SETBP1: variants seen among roughly 807,000 people sequenced by gnomAD.
SETBP1 encodes SET-binding protein.
SETBP1 carries 9 observed loss-of-function variants against 101.0 expected under a neutral mutation model. The ratio of observed to expected loss-of-function variants is 0.09; its 90% confidence interval spans 0.05 to 0.16. The LOEUF (loss-of-function observed/expected upper bound fraction) is 0.16, where lower values mean the gene tolerates loss of function less well. Among genes scored for constraint, SETBP1 ranks in the 10% least tolerant of loss-of-function variants. The probability of loss-of-function intolerance (pLI) is 1.00; values close to 1 mark genes in which losing one functional copy is unlikely to be tolerated. For missense variants in SETBP1, 1,858 were observed against 2,033.8 expected (o/e 0.91, Z 1.66); for synonymous variants, 818 against 788.5 (o/e 1.04, Z -0.63).
At chr18:44,899,766 G>A (rs2069997422) in intron 3 of SETBP1, among the ~76,000 whole-genome samples, 1 of 152,040 alleles carries the variant, frequency 6.6e-6, no homozygotes, top group Admixed American at 6.6e-5. Flanking sequence ...TCCCTCTAAG[G>A]TAGAAGAGAC....
At position 44,950,768 on chromosome 18, in the gene SETBP1, C is replaced by T. The variant is rs761007347; in HGVS notation, c.1428C>T (p.Pro476=). ...GTAAAATGATAGAGAATGAGTCCCC[C>T]TCAGTTGGCCTTGAAACTGGTGGAA... is the stretch of plus-strand genomic sequence containing the variant. ...KLSKMIENES[P]SVGLETGGNA... Residue 476 remains proline, a synonymous_variant, in exon 4 of 6, where the codon CCC becomes CCT. Coordinates refer to ENST00000649279, the MANE Select transcript of SETBP1 (RefSeq NM_015559.3). 2 of 1,614,000 alleles carry T rather than the reference C, an allele frequency of 1.2e-6. No individual in the cohort carries two copies. The highest frequency in any genetic ancestry group is 1.7e-6 in the Non-Finnish European group (2 of 1,180,028).
At chr18:44,779,665 C>A (rs1000792010) in intron 2 of SETBP1, among the ~76,000 whole-genome samples, 28 of 152,148 alleles carry the variant, frequency 1.8e-4, no homozygotes, top group African/African-American at 6.7e-4. Context: ...GGCTAACTGT[C>A]GAAGACTTTG....
At chr18:45,060,700 A>T (rs1475368712) in intron 5 of SETBP1, among the ~76,000 whole-genome samples, 1 of 152,180 alleles carries the variant, frequency 6.6e-6, no homozygotes, top group African/African-American at 2.4e-5. Flanking sequence ...ATTATTCAGC[A>T]CATGTTTTTG....
intron 3 of SETBP1, among the ~76,000 whole-genome samples, chr18:44,922,260 C>A (rs2070599177): frequency 1.3e-5 from 2 of 152,194 alleles, no homozygotes; most frequent in Non-Finnish European, 2.9e-5. Flanking sequence ...TTCTCATGCT[C>A]ATTTTATATA....
intron 4 of SETBP1, among the ~76,000 whole-genome samples, chr18:44,976,472 C>T (rs1180308519): frequency 6.6e-6 from 1 of 152,210 alleles, no homozygotes; most frequent in Non-Finnish European, 1.5e-5. Flanking sequence ...GGGAAGTAAA[C>T]TGGCCCTCAT....
At chr18:44,979,712 C>G (rs931298536) in intron 4 of SETBP1, among the ~76,000 whole-genome samples, 4 of 152,176 alleles carry the variant, frequency 2.6e-5, no homozygotes, top group Admixed American at 6.5e-5. Context: ...ACAAATAACT[C>G]TTACATATGG....
At chr18:44,881,638 T>A (rs1384602393) in intron 3 of SETBP1, among the ~76,000 whole-genome samples, 2 of 152,216 alleles carry the variant, frequency 1.3e-5, no homozygotes, top group African/African-American at 4.8e-5. Context: ...TTGTTTACCC[T>A]GAATGTACAT....
intron 2 of SETBP1, among the ~76,000 whole-genome samples, chr18:44,783,199 A>C (rs1025281951): frequency 6.6e-6 from 1 of 152,180 alleles, no homozygotes; most frequent in Non-Finnish European, 1.5e-5. Context: ...CATTTATGAG[A>C]TATTTTGCAT....
intron 3 of SETBP1, among the ~76,000 whole-genome samples, chr18:44,932,228 A>G (rs917540464): frequency 5.3e-5 from 8 of 152,146 alleles, no homozygotes; most frequent in Non-Finnish European, 1.0e-4. Context: ...GAAATTCTGG[A>G]TTGAAAATTC....
chr18:44,850,289 G>A (rs1437957751), intron 2 of SETBP1, among the ~76,000 whole-genome samples: 3 of 152,186 alleles, frequency 2.0e-5, no homozygotes, highest in Admixed American at 6.5e-5. Context: ...CAAGGGGGTC[G>A]TCAGTCCCAC....
intron 3 of SETBP1, among the ~76,000 whole-genome samples, chr18:44,918,394 C>T (rs1015109798): frequency 2.0e-5 from 3 of 152,176 alleles, no homozygotes; most frequent in East Asian, 1.9e-4. Context: ...AAGGCTTCCT[C>T]GGCAGCGGCC....
chr18:44,713,717 C>G (rs1262791172), intron 2 of SETBP1, among the ~76,000 whole-genome samples: 1 of 152,346 alleles, frequency 6.6e-6, no homozygotes, highest in South Asian at 2.1e-4. Flanking sequence ...GTCAAGGAAA[C>G]CTGCCAAACT....
At chr18:44,853,475 G>A (rs1041421050) in intron 2 of SETBP1, among the ~76,000 whole-genome samples, 6 of 152,096 alleles carry the variant, frequency 3.9e-5, no homozygotes, top group Admixed American at 2.6e-4. Context: ...TACAGACATC[G>A]AAACATCCCC....
intron 2 of SETBP1, among the ~76,000 whole-genome samples, chr18:44,807,385 C>T (rs1341253513): frequency 6.6e-6 from 1 of 151,720 alleles, no homozygotes; most frequent in Admixed American, 6.6e-5. Context: ...TTACTCAATT[C>T]AGAATCACAA....
At position 44,744,244 on chromosome 18, in the gene SETBP1, G is replaced by A. The variant is rs151318041; in HGVS notation, c.486+42412G>A. Among the ~76,000 whole-genome samples, 657 of 152,356 alleles carry A rather than the reference G, an allele frequency of 4.3e-3. 2 individuals are homozygous for A. The highest frequency in any genetic ancestry group is 7.1e-3 in the Non-Finnish European group (484 of 68,032). On this transcript the variant is annotated intron_variant, in intron 2 of 5. Transcript: ENST00000649279. ...AAGCCTTAACAATTACCCTAGGAAA[G>A]GAGAATACAATCCAGGCTCATCTGC...
Position 44,950,798 on chromosome 18 carries a change from T to C in SETBP1, c.1458T>C (p.Ala486=), listed in dbSNP as rs759977316. The C allele has an allele frequency of 7.4e-6, 12 of 1,614,016 alleles. No homozygotes were observed. The highest frequency in any genetic ancestry group is 2.2e-5 in the East Asian group (1 of 44,884). The part of the protein sequence containing the change: ...PSVGLETGGN[A]EKVIPGGVSK... ...TTGGCCTTGAAACTGGTGGAAATGC[T>C]GAGAAAGTTATCCCAGGAGGTGTGT... Residue 486 remains alanine (A), a synonymous_variant, in exon 4 of 6, where the codon GCT becomes GCC. Transcript: ENST00000649279.
intron 3 of SETBP1, among the ~76,000 whole-genome samples, chr18:44,916,582 A>G (rs996880224): frequency 6.6e-6 from 1 of 152,160 alleles, no homozygotes; most frequent in Admixed American, 6.5e-5. Flanking sequence ...ACCACCTTCT[A>G]TTTACACAGG....
chr18:44,759,264 A>C (rs1292395450), intron 2 of SETBP1, among the ~76,000 whole-genome samples: 1 of 152,138 alleles, frequency 6.6e-6, no homozygotes, highest in Non-Finnish European at 1.5e-5. Flanking sequence ...TTCCTGTTTT[A>C]TATCAGGAGG....
intron 4 of SETBP1, among the ~76,000 whole-genome samples, chr18:45,027,972 ATC>A: frequency 6.6e-6 from 1 of 152,164 alleles, no homozygotes. Flanking sequence ...GCAACATAGC[ATC>A]TCTCTGACCC....
Sources: allele counts gnomAD v4.1 joint callset (sites outside exome capture counted in the v4.1 genomes callset), GRCh38; gene constraint gnomAD v4.1.1; transcripts MANE v1.5; gene names NCBI Gene and HGNC (gene_info 2026-07-23, HGNC 2026-07-21).